The following JAM3 variants were observed in gnomAD, a reference collection of about 807,000 sequenced individuals.
JAM3 encodes the protein junctional adhesion molecule C.
Under a neutral mutation model 39.4 loss-of-function variants are expected in JAM3, and 31 were observed. The observed-to-expected ratio is 0.79, with a 90% CI of 0.59 to 1.06. The LOEUF is 1.06. Among genes scored for constraint, JAM3 ranks in the 50% least tolerant of loss-of-function variants. The pLI is 0.00. For synonymous variants in JAM3, 182 were observed against 148.7 expected, an observed-to-expected ratio of 1.22 and a Z score of -1.63; for missense variants, 455 against 391.4, an observed-to-expected ratio of 1.16 and a Z score of -1.37.
In JAM3 at chr11:134,149,707, G is replaced by C. The variant is rs1356149243; in HGVS notation, c.*526G>C. ...CTTCTTAAAGGCTCTGCTGATCGGT[G>C]TTGCAGTGTCCATTGTGGAGAAGCT... On this transcript the variant is annotated 3_prime_UTR_variant, in exon 9 of 9. Transcript: ENST00000299106. 1 of 456,162 alleles carries C rather than the reference G, an allele frequency of 2.2e-6. No homozygotes were observed. Among genetic ancestry groups the C allele is most frequent in the African/African-American group, 2.0e-5 (1 of 50,180 alleles). The allele number at this position is 456,162 out of a possible 1,614,324, so 28.3% of individuals were successfully genotyped here. A position where few individuals can be genotyped will look rare whatever the true frequency, so the allele number is the denominator to read the frequency against.
Position 134,144,772 on chromosome 11 carries a change from C to G in JAM3, c.410-20C>G. The G allele has an allele frequency of 6.4e-7, 1 of 1,565,420 alleles. No homozygotes were observed. Among genetic ancestry groups the G allele is most frequent in the Non-Finnish European group, 8.6e-7 (1 of 1,163,254 alleles). On this transcript the variant is annotated intron_variant, in intron 4 of 8. Coordinates refer to ENST00000299106, the MANE Select transcript of JAM3 (RefSeq NM_032801.5). ...AGCCCTGTCACTGAGATCTTAAACA[C>G]CACCCCTTTTTCCCCACAGTGAAGC...
intron 5 of JAM3, 193 bp downstream of exon 5, chr11:134,145,187 A>T: frequency 1.6e-6 from 1 of 626,582 alleles, no homozygotes; most frequent in South Asian, 1.9e-5. Context: ...AGGGGGTAAA[A>T]TAAGGAAGAG....
At chr11:134,096,732 T>G (rs902682761) in intron 1 of JAM3, among the ~76,000 whole-genome samples, 6 of 152,198 alleles carry the variant, frequency 3.9e-5, no homozygotes, top group Non-Finnish European at 8.8e-5. Context: ...CTGACTTCTT[T>G]GTTGTATTGG....
chr11:134,144,351 C>A lies in JAM3; in HGVS notation c.367C>A (p.Arg123Ser), dbSNP rs374174597. ...YRCEVVARND[R>S]KEIDEIVIEL... ...CTGTGAGGTCGTTGCTCGAAATGAC[C>A]GCAAGGAAATTGATGAGATTGTGAT... Residue 123 changes from arginine to serine, a missense_variant, in exon 4 of 9, where the codon CGC becomes AGC. Transcript: ENST00000299106. The A allele has an allele frequency of 1.2e-6, 2 of 1,614,034 alleles. No individual in the cohort carries two copies. The highest frequency in any genetic ancestry group is 1.7e-6 in the Non-Finnish European group (2 of 1,180,040).
At chr11:134,147,765 C>A (rs1359349943) in intron 6 of JAM3, 1 of 152,290 alleles carries the variant, frequency 6.6e-6, no homozygotes, top group Non-Finnish European at 1.5e-5. Context: ...GGATTACAGG[C>A]GTGAGCCACC....
intron 6 of JAM3, among the ~76,000 whole-genome samples, chr11:134,147,478 A>T (rs1417741094): frequency 4.9e-5 from 7 of 142,606 alleles, no homozygotes; most frequent in Admixed American, 2.8e-4. Flanking sequence ...AAAAAAAAAA[A>T]CGATTGCAAG....
chr11:134,145,953 C>T lies in JAM3; in HGVS notation c.620C>T (p.Thr207Ile). The T allele has an allele frequency of 6.2e-7, 1 of 1,611,624 alleles. No homozygotes were observed. The highest frequency in any genetic ancestry group is 8.5e-7 in the Non-Finnish European group (1 of 1,177,696). ...TGTCATTCCCTGAAACAGGTGTTCACTGCTGTTCACAAGGACGACTCTGGG... is the reference window on the plus strand; with the variant it reads ...TGTCATTCCCTGAAACAGGTGTTCATTGCTGTTCACAAGGACGACTCTGGG... ...LNSETGTLVF[T>I]AVHKDDSGQY... Residue 207 changes from threonine to isoleucine, a missense_variant, in exon 6 of 9, where the codon ACT becomes ATT. Transcript: ENST00000299106.
At chr11:134,127,555 C>T (rs1318175064) in intron 1 of JAM3, among the ~76,000 whole-genome samples, 2 of 152,152 alleles carry the variant, frequency 1.3e-5, no homozygotes, top group South Asian at 2.1e-4. Context: ...AAAAAATTAG[C>T]CGGACGTGGT....
At chr11:134,103,702 G>A (rs929492749) in intron 1 of JAM3, among the ~76,000 whole-genome samples, 1 of 152,122 alleles carries the variant, frequency 6.6e-6, no homozygotes, top group South Asian at 2.1e-4. Context: ...AAAAAAGGCA[G>A]GGGTTGCAAT....
intron 3 of JAM3, 33 bp from the exon 4 acceptor site, chr11:134,144,205 AAAG>A (rs1943027493): frequency 6.2e-6 from 10 of 1,613,592 alleles, no homozygotes; most frequent in Non-Finnish European, 8.5e-6. Flanking sequence ...AGATTTCTTT[AAAG>A]AAGTTTTTTA....
intron 1 of JAM3, among the ~76,000 whole-genome samples, chr11:134,123,464 A>T (rs1324146004): frequency 1.3e-5 from 2 of 152,170 alleles, no homozygotes; most frequent in African/African-American, 4.8e-5. Context: ...CCCCAGACAG[A>T]TGGTTCTGCA....
At chr11:134,140,931 A>C (rs1294528724) in intron 3 of JAM3, among the ~76,000 whole-genome samples, 161 bp downstream of exon 3, 2 of 151,664 alleles carry the variant, frequency 1.3e-5, no homozygotes, top group African/African-American at 4.8e-5. Context: ...TTTCAAATAT[A>C]TGCAAAAGTA....
At chr11:134,132,846 C>T (rs11223706) in intron 1 of JAM3, among the ~76,000 whole-genome samples, 23,097 of 152,076 alleles carry the variant, frequency 0.15, 1,912 homozygotes, top group African/African-American at 0.22. Flanking sequence ...GACTTGTTGG[C>T]ACTGAGCCTC....
intron 1 of JAM3, among the ~76,000 whole-genome samples, chr11:134,091,423 T>A (rs765831968): frequency 1.3e-4 from 20 of 151,968 alleles, no homozygotes; most frequent in Non-Finnish European, 2.8e-4. Flanking sequence ...TCCCAGAACC[T>A]GGGAGGTGGA....
At chr11:134,071,070 G>A (rs1305660810) in intron 1 of JAM3, among the ~76,000 whole-genome samples, 3 of 152,118 alleles carry the variant, frequency 2.0e-5, no homozygotes, top group Non-Finnish European at 4.4e-5. Context: ...CATGACTACT[G>A]TGTCCTTTTT....
intron 1 of JAM3, among the ~76,000 whole-genome samples, chr11:134,121,057 G>A (rs933941300): frequency 1.4e-4 from 21 of 152,308 alleles, no homozygotes; most frequent in African/African-American, 4.8e-4. Flanking sequence ...CCTCAGTAGG[G>A]CATCCCAAAT....
intron 3 of JAM3, among the ~76,000 whole-genome samples, chr11:134,142,595 GTTA>G (rs994622397): frequency 7.9e-5 from 12 of 152,262 alleles, no homozygotes; most frequent in Admixed American, 3.3e-4. Context: ...CTTTGAAAGT[GTTA>G]TTATGTCTTA....
intron 1 of JAM3, among the ~76,000 whole-genome samples, chr11:134,106,189 A>G (rs1351635338): frequency 6.6e-6 from 1 of 152,146 alleles, no homozygotes; most frequent in Admixed American, 6.5e-5. Flanking sequence ...CAGAAATAAT[A>G]CCACACATCT....
rs775806924 is a variant in JAM3, at chr11:134,148,576, G to A, written c.742G>A (p.Gly248Arg). The A allele has an allele frequency of 1.9e-6, 3 of 1,614,136 alleles. No individual in the cohort carries two copies. The highest frequency in any genetic ancestry group is 2.5e-6 in the Non-Finnish European group (3 of 1,180,022). Residue 248 changes from glycine to arginine, a missense_variant, in exon 7 of 9, where the codon GGG becomes AGG. Physicochemically the swap from Gly to Arg is moderately radical, Grantham distance 125. Transcript: ENST00000299106. The stretch of plus-strand genomic sequence containing the variant: ...CCTGAACATTGGCGGAATTATTGGG[G>A]GGGTTCTGGTTGTCCTTGCTGTACT... ...YDLNIGGIIG[G>R]VLVVLAVLAL... is the part of the protein sequence containing the mutation.
Sources: gnomAD v4.1 joint callset for allele counts (sites outside exome capture counted in the v4.1 genomes callset) on GRCh38, gnomAD v4.1.1 for gene constraint, MANE v1.5 for transcripts, NCBI Gene and HGNC (gene_info 2026-07-23, HGNC 2026-07-21) for gene names.